Variants in KALRN observed in about 807,000 individuals in gnomAD.
The protein encoded by KALRN is kalirin.
In KALRN, 70 loss-of-function variants were observed where a neutral mutation model predicts 353.7. The ratio of observed to expected loss-of-function variants is 0.20; its 90% CI spans 0.16 to 0.24. KALRN has a LOEUF of 0.24. KALRN is among the 10% of genes least tolerant of loss of function. The pLI is 1.00. For missense variants in KALRN, 2,791 were observed against 3,756.7 expected (o/e 0.74, Z 6.72); for synonymous variants, 1,391 against 1,434.8 (o/e 0.97, Z 0.69).
chr3:124,464,336 A>G (rs942138666), intron 25 of KALRN, among the ~76,000 whole-genome samples: 2 of 152,226 alleles, frequency 1.3e-5, no homozygotes, highest in Non-Finnish European at 2.9e-5. Flanking sequence ...GGGAATGAAT[A>G]TACATTTCCA....
chr3:124,504,753 T>C (rs1480600462), intron 33 of KALRN: 1 of 429,706 alleles, frequency 2.3e-6, no homozygotes, highest in East Asian at 7.1e-5. Context: ...AGCACTGGGA[T>C]GTGGCAAGGC....
chr3:124,585,591 C>G (rs2075093014), intron 34 of KALRN, among the ~76,000 whole-genome samples: 1 of 152,018 alleles, frequency 6.6e-6, no homozygotes, highest in Admixed American at 6.6e-5. Context: ...AGCCGGCGAA[C>G]AGGAGGGCGA....
At chr3:124,077,823 A>G (rs2149300845) in intron 1 of KALRN, among the ~76,000 whole-genome samples, 1 of 152,338 alleles carries the variant, frequency 6.6e-6, no homozygotes, top group South Asian at 2.1e-4. Flanking sequence ...CCCAGGCTCC[A>G]GAGCACCACA....
intron 32 of KALRN, among the ~76,000 whole-genome samples, chr3:124,493,642 T>C (rs940890157): frequency 2.6e-5 from 4 of 152,238 alleles, no homozygotes; most frequent in Admixed American, 2.6e-4. Context: ...TCCTCCCCTG[T>C]ACCTGAATGG....
Position 124,276,460 on chromosome 3 carries a change from G to T in KALRN, c.969+7205G>T, listed in dbSNP as rs553318895. On this transcript the variant is annotated intron_variant, in intron 5 of 59. Transcript: ENST00000682506. ...GACCCAAAGTCTTATCCTGCCTGGG[G>T]TGACCAGAACCAGTGGGGCTGTTGT... 3.8e-4 allele frequency among the ~76,000 whole-genome samples: 58 copies of T among 152,210 alleles called. No individual in the cohort carries two copies. The South Asian group carries it at 0.012, about 31-fold the overall frequency.
In KALRN at chr3:124,562,891, G is replaced by C. The variant is rs777576720; in HGVS notation, c.4984G>C (p.Gly1662Arg). The stretch of plus-strand genomic sequence containing the variant: ...AGTGGTCCTCCAGGACTTCAGTGCG[G>C]GCCACAGCAGTGAGCTGACCATCCA... ...LTVVLQDFSA[G>R]HSSELTIQVG... The change falls in exon 34 of 60, where the codon GGC becomes CGC. Residue 1662 changes from glycine (G) to arginine (R), a missense_variant. Gly to Arg is a moderately radical substitution (Grantham distance 125, BLOSUM62 -2). Coordinates refer to ENST00000682506, the MANE Select transcript of KALRN (RefSeq NM_001388419.1). 7.3e-7 allele frequency: 1 copy of C among 1,367,562 alleles called. No homozygotes were observed. The highest frequency in any genetic ancestry group is 1.5e-5 in the African/African-American group (1 of 67,730). The allele number at this position is 1,367,562 out of a possible 1,614,324, so 84.7% of individuals were successfully genotyped here.
chr3:124,080,068 A>G (rs1241686639), intron 1 of KALRN: 3 of 471,124 alleles, frequency 6.4e-6, no homozygotes, highest in Non-Finnish European at 8.8e-6. Context: ...AATTGGATCC[A>G]ACCCATTGTT....
intron 1 of KALRN, chr3:124,094,769 C>G: frequency 7.3e-7 from 1 of 1,373,372 alleles, no homozygotes; most frequent in Non-Finnish European, 1.0e-6. Context: ...TTCCGGCCTC[C>G]TCGAGTCAGC....
At chr3:124,144,601 TCTCCTCCTCTTCCTCATCCTC>T (rs1464333062) in intron 1 of KALRN, among the ~76,000 whole-genome samples, 3 of 136,370 alleles carry the variant, frequency 2.2e-5, no homozygotes, top group Non-Finnish European at 4.8e-5. Context: ...TCGTCTTCCT[TCTCCTCCTCTTCCTCATCCTC>T]CTCCTCTTCC....
intron 34 of KALRN, 72 bp downstream of exon 34, chr3:124,563,161 C>T: frequency 7.6e-7 from 1 of 1,312,372 alleles, no homozygotes; most frequent in Non-Finnish European, 1.0e-6. Flanking sequence ...TAGCTGAAGA[C>T]CACCATGGAA....
intron 3 of KALRN, among the ~76,000 whole-genome samples, chr3:124,240,212 G>A (rs2148640261): frequency 6.6e-6 from 1 of 152,288 alleles, no homozygotes; most frequent in East Asian, 1.9e-4. Context: ...GCAATCGTTA[G>A]TAATCACCTT....
chr3:124,541,731 A>C (rs2069054490), intron 33 of KALRN, among the ~76,000 whole-genome samples: 1 of 151,510 alleles, frequency 6.6e-6, no homozygotes, highest in Admixed American at 6.6e-5. Context: ...AAAAAAAAAA[A>C]AAAAGCAAAA....
At chr3:124,327,996 A>G (rs142802040) in intron 7 of KALRN, among the ~76,000 whole-genome samples, 3 of 152,348 alleles carry the variant, frequency 2.0e-5, no homozygotes, top group African/African-American at 7.2e-5. Flanking sequence ...TAAAGATACA[A>G]CACGAGAGAT....
chr3:124,141,740 G>A (rs2066650494), intron 1 of KALRN, among the ~76,000 whole-genome samples: 1 of 152,228 alleles, frequency 6.6e-6, no homozygotes, highest in Admixed American at 6.5e-5. Context: ...TTCAGTCACA[G>A]CCTGTCTTTG....
chr3:124,246,040 C>T (rs1408256071), intron 3 of KALRN, among the ~76,000 whole-genome samples: 1 of 152,202 alleles, frequency 6.6e-6, no homozygotes, highest in African/African-American at 2.4e-5. Flanking sequence ...GACAAGATCT[C>T]ATTCTTTTTA....
At chr3:124,401,446 A>G (rs1237309805) in intron 13 of KALRN, among the ~76,000 whole-genome samples, 1 of 152,260 alleles carries the variant, frequency 6.6e-6, no homozygotes, top group African/African-American at 2.4e-5. Context: ...CGGAGGTTGC[A>G]GTGAGCTGTG....
intron 34 of KALRN, among the ~76,000 whole-genome samples, chr3:124,620,728 C>T (rs771353455): frequency 6.6e-6 from 1 of 152,274 alleles, no homozygotes; most frequent in East Asian, 1.9e-4. Flanking sequence ...ATCAGAGCAG[C>T]GGCCTTGTGT....
rs578149066 is a variant in KALRN, at chr3:124,564,335, A to T, written c.5182+1246A>T. ...GAGTTTGAGGCTGCAGTGAGCTATG[A>T]TTGCATCGCTGCGCTCCAACCTGGC... is the stretch of plus-strand genomic sequence containing the variant. On this transcript the variant is annotated intron_variant, in intron 34 of 59. Coordinates refer to ENST00000682506, the MANE Select transcript of KALRN (RefSeq NM_001388419.1). Among the ~76,000 whole-genome samples the T allele has an allele frequency of 1.6e-4, 24 of 151,836 alleles. No homozygotes were observed. The South Asian group carries it at 3.5e-3, about 22-fold the overall frequency.
chr3:124,412,973 A>G (rs2092284779), intron 13 of KALRN, among the ~76,000 whole-genome samples: 1 of 152,128 alleles, frequency 6.6e-6, no homozygotes, highest in Non-Finnish European at 1.5e-5. Context: ...AATACTACTT[A>G]ATTTCTGAGG....
Sources: allele counts gnomAD v4.1 joint callset (sites outside exome capture counted in the v4.1 genomes callset), GRCh38; gene constraint gnomAD v4.1.1; transcripts MANE v1.5; gene names NCBI Gene and HGNC (gene_info 2026-07-23, HGNC 2026-07-21).